The following DOCK10 variants were observed in gnomAD, a reference collection of about 807,000 sequenced individuals.
DOCK10 encodes the protein dedicator of cytokinesis 10.
In DOCK10, 145 loss-of-function variants were observed where a neutral mutation model predicts 280.1. That is an observed-to-expected ratio of 0.52 (90% CI 0.45 to 0.59). The LOEUF is 0.59. Ranked by LOEUF, DOCK10 falls within the 20% of genes least tolerant of loss-of-function variation. The pLI is 0.00. For missense variants in DOCK10, 2,368 were observed against 2,651.7 expected, an observed-to-expected ratio of 0.89 and a Z score of 2.35; for synonymous variants, 915 against 942.2, an observed-to-expected ratio of 0.97 and a Z score of 0.53.
intron 19 of DOCK10, among the ~76,000 whole-genome samples, chr2:224,847,571 A>T (rs1448517079): frequency 6.6e-6 from 1 of 152,230 alleles, no homozygotes; most frequent in East Asian, 1.9e-4. Context: ...TAATTTTTTT[A>T]AAAATCATAT....
At chr2:225,039,022 C>G (rs1343707635) in intron 1 of DOCK10, among the ~76,000 whole-genome samples, 1 of 152,086 alleles carries the variant, frequency 6.6e-6, no homozygotes, top group African/African-American at 2.4e-5. Flanking sequence ...AATATATATG[C>G]AGAAAAGTGC....
In DOCK10 at chr2:225,014,092, T is replaced by TG. The variant is rs1559959908; in HGVS notation, c.123+28159_123+28160insC. 4.3e-3 allele frequency among the ~76,000 whole-genome samples: 481 copies of TG among 111,296 alleles called. 3 individuals carry two copies. Among genetic ancestry groups the TG allele is most frequent in the African/African-American group, 0.016 (465 of 29,110 alleles). 73.0% of individuals were successfully genotyped at this position (111,296 alleles called of 152,430 possible). ...AGAAGTCTGAATATATTGTTTTTTT[T>TG]TTTTTGTTTTTTTTTTTAAGAAATA... On this transcript the variant is annotated intron_variant, in intron 1 of 55. Transcript: ENST00000258390.
chr2:224,995,870 T>C (rs181743344), intron 1 of DOCK10, among the ~76,000 whole-genome samples: 121 of 152,318 alleles, frequency 7.9e-4, no homozygotes, highest in African/African-American at 2.9e-3. Context: ...AATGTAAAAA[T>C]GATACTATGG....
intron 1 of DOCK10, among the ~76,000 whole-genome samples, chr2:224,948,300 T>C (rs1038729607): frequency 6.6e-6 from 1 of 152,158 alleles, no homozygotes; most frequent in Admixed American, 6.5e-5. Flanking sequence ...ATCAGAAAAA[T>C]AGCATGATGC....
intron 1 of DOCK10, among the ~76,000 whole-genome samples, chr2:225,027,924 A>G (rs1689961339): frequency 6.6e-6 from 1 of 152,192 alleles, no homozygotes; most frequent in Non-Finnish European, 1.5e-5. Flanking sequence ...GGTTAGATTT[A>G]AGAACTGTCT....
chr2:224,868,416 A>G (rs1280553811), intron 11 of DOCK10, among the ~76,000 whole-genome samples: 1 of 152,238 alleles, frequency 6.6e-6, no homozygotes, highest in Non-Finnish European at 1.5e-5. Context: ...ATACGCCTAT[A>G]AAAACTAGCA....
rs1689652526 is a variant in DOCK10, at chr2:225,017,702, T to C, written c.123+24550A>G. ...CCAATAACTGAAGATATGCCTACTGTTCCAAAAAAAAAAAAAAAGCAAAAA... is the reference window on the plus strand; with the variant it reads ...CCAATAACTGAAGATATGCCTACTGCTCCAAAAAAAAAAAAAAAGCAAAAA... On this transcript the variant is annotated intron_variant, in intron 1 of 55. Coordinates refer to ENST00000258390, the MANE Select transcript of DOCK10 (RefSeq NM_014689.3). Among the ~76,000 whole-genome samples the C allele has an allele frequency of 7.6e-5, 4 of 52,802 alleles. No homozygotes were observed. In the South Asian group the frequency reaches 2.7e-3, roughly 36 times the overall value. 34.6% of individuals were successfully genotyped at this position (52,802 alleles called of 152,430 possible).
chr2:224,824,849 T>TA (rs1395470108), intron 27 of DOCK10, among the ~76,000 whole-genome samples: 1 of 152,172 alleles, frequency 6.6e-6, no homozygotes. Flanking sequence ...TGTGTATTTC[T>TA]AAATTGTGAG....
At chr2:225,028,736 C>T (rs1365300267) in intron 1 of DOCK10, among the ~76,000 whole-genome samples, 2 of 152,162 alleles carry the variant, frequency 1.3e-5, no homozygotes, top group South Asian at 2.1e-4. Flanking sequence ...GAAAACAGCT[C>T]AGGCCCAGGG....
intron 26 of DOCK10, among the ~76,000 whole-genome samples, chr2:224,831,078 T>A (rs1695196762): frequency 6.6e-6 from 1 of 152,066 alleles, no homozygotes; most frequent in Non-Finnish European, 1.5e-5. Flanking sequence ...CGACTACAGA[T>A]GTGGTCACCA....
intron 3 of DOCK10, among the ~76,000 whole-genome samples, chr2:224,899,804 A>G (rs569926115): frequency 6.6e-6 from 1 of 152,354 alleles, no homozygotes; most frequent in South Asian, 2.1e-4. Context: ...AAGTATTTTA[A>G]GGATTCTTTG....
Position 224,775,203 on chromosome 2 carries a change from G to A in DOCK10, c.5803-88C>T, listed in dbSNP as rs914710687. On this transcript the variant is annotated intron_variant, in intron 51 of 55. Transcript: ENST00000258390. ...CTCCCATTCCCTCAGCTTGCATCCA[G>A]AGGAGGCTGTGCCTCTCCCCTTGGA... 3.2e-6 allele frequency: 4 copies of A among 1,237,722 alleles called. No homozygotes were observed. The African/African-American group carries it at 5.9e-5, about 18-fold the overall frequency. 76.7% of individuals were successfully genotyped at this position (1,237,722 alleles called of 1,614,324 possible).
At chr2:224,809,158 G>C (rs1426943619) in intron 31 of DOCK10, among the ~76,000 whole-genome samples, 3 of 152,084 alleles carry the variant, frequency 2.0e-5, no homozygotes, top group Non-Finnish European at 2.9e-5. Context: ...AGAAAAGAAT[G>C]TTAAAAATTT....
At chr2:224,946,795 GA>G in intron 1 of DOCK10, 1 of 1,378,540 alleles carries the variant, frequency 7.3e-7, no homozygotes, top group African/African-American at 1.5e-5. Flanking sequence ...ATTTTTGAAA[GA>G]AAGGATTGAA....
chr2:224,911,206 A>G (rs1056218442), intron 3 of DOCK10, among the ~76,000 whole-genome samples: 9 of 152,174 alleles, frequency 5.9e-5, no homozygotes, highest in African/African-American at 2.2e-4. Context: ...AAGCAGTTGA[A>G]AGGGAATTAA....
intron 50 of DOCK10, among the ~76,000 whole-genome samples, chr2:224,780,563 C>T (rs115869382): frequency 0.018 from 2,669 of 152,082 alleles, 51 homozygotes; most frequent in African/African-American, 0.046. Flanking sequence ...GACAAATTTC[C>T]GAATCTAGAG....
chr2:224,967,360 G>A (rs569583908), intron 1 of DOCK10, among the ~76,000 whole-genome samples: 43 of 152,180 alleles, frequency 2.8e-4, no homozygotes, highest in Non-Finnish European at 5.3e-4. Context: ...GATTACAGGC[G>A]TGAGCCACCG....
intron 1 of DOCK10, among the ~76,000 whole-genome samples, chr2:224,961,422 C>CTTTCTTTCTTTCTTTCTTTCT (rs1704402594): frequency 9.0e-6 from 1 of 111,150 alleles, no homozygotes; most frequent in African/African-American, 3.6e-5. Flanking sequence ...CTCTTTCTTT[C>CTTTCTTTCTTTCTTTCTTTCT]TTTCTTTCTT....
At position 224,916,637 on chromosome 2, in the gene DOCK10, G is replaced by A; in HGVS notation, c.333+58C>T. ...AGATAATAATAGTAAATTGCATTGA[G>A]AATCCCCTGGGAAAAAGCAAAAGCC... On this transcript the variant is annotated intron_variant, in intron 3 of 55. Coordinates refer to ENST00000258390, the MANE Select transcript of DOCK10 (RefSeq NM_014689.3). 3 of 1,189,482 alleles carry A rather than the reference G, an allele frequency of 2.5e-6. No individual in the cohort carries two copies. The East Asian group carries it at 7.9e-5, about 31-fold the overall frequency. 73.7% of individuals were successfully genotyped at this position (1,189,482 alleles called of 1,614,324 possible).
Sources: gnomAD v4.1 joint callset for allele counts (sites outside exome capture counted in the v4.1 genomes callset) on GRCh38, gnomAD v4.1.1 for gene constraint, MANE v1.5 for transcripts, NCBI Gene and HGNC (gene_info 2026-07-23, HGNC 2026-07-21) for gene names.